The following TRPM2 variants were observed in gnomAD, a reference collection of about 807,000 sequenced individuals.
The protein encoded by TRPM2 is estrogen-responsive element-associated gene 1 protein.
A neutral mutation model predicts 174.0 loss-of-function variants in TRPM2; 161 were observed. The observed-to-expected ratio is 0.93, with a 90% CI of 0.81 to 1.05. TRPM2 has a LOEUF of 1.05. Among genes scored for constraint, TRPM2 ranks in the 50% least tolerant of loss-of-function variants. The pLI, the probability that TRPM2 is intolerant of heterozygous loss-of-function variation, is 0.00. For synonymous variants in TRPM2, 954 were observed against 861.3 expected (o/e 1.11, Z -1.88); for missense variants, 2,057 against 2,038.0 (o/e 1.01, Z -0.18).
At chr21:44,418,247 C>A in intron 21 of TRPM2, 139 bp downstream of exon 21, 1 of 1,384,578 alleles carries the variant, frequency 7.2e-7, no homozygotes, top group Non-Finnish European at 9.7e-7. Context: ...CTTCTGCTGG[C>A]CTTGAGCAAG....
chr21:44,426,750 G>T lies in TRPM2; in HGVS notation c.3872+14G>T. The stretch of plus-strand genomic sequence containing the variant: ...CCCCATGGGAGAGTGAGTATGAGCC[G>T]CTGTCCGTGCTCCCAGCTGGCCCCA... On this transcript the variant is annotated intron_variant, in intron 26 of 31. Transcript: ENST00000397928. 1 of 1,613,216 alleles carries T rather than the reference G, an allele frequency of 6.2e-7. No individual in the cohort carries two copies.
chr21:44,391,296 AC>A lies in TRPM2; in HGVS notation c.1466del (p.Thr489LysfsTer12), dbSNP rs1349136684. The A allele has an allele frequency of 1.2e-6, 2 of 1,613,850 alleles. No homozygotes were observed. The highest frequency in any genetic ancestry group is 4.5e-5 in the East Asian group (2 of 44,880). On this transcript the variant is annotated frameshift_variant, in exon 11 of 32. Coordinates refer to ENST00000397928, the MANE Select transcript of TRPM2 (RefSeq NM_003307.4). LOFTEE classifies it high-confidence loss of function. This position sits in a 1 kb window ranked among gnomAD's most constrained non-coding sequence, Gnocchi z 5.0. ...WKPSDLHPTM[T>X]AALISNKPEF... ...GCCTTCAGATCTGCACCCCACGATG[AC>A]AGCTGCACTCATCTCCAACAAGCCT...
chr21:44,400,284 G>A lies in TRPM2; in HGVS notation c.2234G>A (p.Gly745Asp). The A allele has an allele frequency of 6.2e-7, 1 of 1,612,804 alleles. No individual in the cohort carries two copies. The highest frequency in any genetic ancestry group is 8.5e-7 in the Non-Finnish European group (1 of 1,179,854). ...GCCTTCCTGACCAAGGTGTGGTGGG[G>A]CCAGCTCTCCGTGGACAATGGGCTG... is the stretch of plus-strand genomic sequence containing the variant. The part of the protein sequence containing the change: ...IQAFLTKVWW[G>D]QLSVDNGLWR... Residue 745 changes from glycine (G) to aspartate (D), a missense_variant, in exon 15 of 32, where the codon GGC (glycine) becomes GAC (aspartate). Physicochemically the swap from Gly to Asp is moderately conservative, Grantham distance 94. Transcript: ENST00000397928.
At chr21:44,426,812 A>G in intron 26 of TRPM2, 76 bp downstream of exon 26, 1 of 1,566,676 alleles carries the variant, frequency 6.4e-7, no homozygotes, top group East Asian at 2.2e-5. Flanking sequence ...TGAGAATCCC[A>G]GTCAGAGCCC....
intron 24 of TRPM2, chr21:44,425,433 T>A (rs2050726046): frequency 2.2e-6 from 1 of 458,806 alleles, no homozygotes; most frequent in Non-Finnish European, 3.8e-6. Context: ...GGGCCCTGAC[T>A]GCCGCTGCAC....
chr21:44,357,859 C>T (rs2048103109), intron 2 of TRPM2, among the ~76,000 whole-genome samples: 1 of 152,186 alleles, frequency 6.6e-6, no homozygotes, highest in Non-Finnish European at 1.5e-5. Context: ...CTGTCCCGCA[C>T]AGAAGCCGCT....
Position 44,383,077 on chromosome 21 carries a change from T to G in TRPM2, c.1318+257T>G, listed in dbSNP as rs992379866. Among the ~76,000 whole-genome samples the G allele has an allele frequency of 3.9e-5, 6 of 152,170 alleles. 1 individual carries two copies. Among genetic ancestry groups the G allele is most frequent in the Non-Finnish European group, 7.3e-5 (5 of 68,032 alleles). ...ATTTTTACCTTTGTAGTGGTCATAA[T>G]TTCTCATAAAACTTCAGGGTGGAAA... is the stretch of plus-strand genomic sequence containing the variant. On this transcript the variant is annotated intron_variant, in intron 9 of 31. Coordinates refer to ENST00000397928, the MANE Select transcript of TRPM2 (RefSeq NM_003307.4).
rs2049624347 is a variant in TRPM2 at position 44,401,722 on chromosome 21, C to A, written c.2363C>A (p.Ala788Asp). 2 of 1,613,324 alleles carry A rather than the reference C, an allele frequency of 1.2e-6. No individual in the cohort carries two copies. ...GATGTGGGCACCCCCGCGGCCCGCG[C>A]CCGTGCCTTCTTCACCGCACCCGTG... ...LQDVGTPAAR[A>D]RAFFTAPVVV... Residue 788 changes from alanine to aspartate, a missense_variant, in exon 16 of 32, where the codon GCC becomes GAC. Physicochemically the swap from Ala to Asp is moderately radical, Grantham distance 126. Transcript: ENST00000397928.
At chr21:44,370,371 G>T (rs1227537357) in intron 5 of TRPM2, among the ~76,000 whole-genome samples, 1 of 152,206 alleles carries the variant, frequency 6.6e-6, no homozygotes, top group Non-Finnish European at 1.5e-5. Flanking sequence ...GGTTGAGGAC[G>T]GAGCACTCCT....
intron 20 of TRPM2, chr21:44,416,507 G>A (rs2050285043): frequency 1.3e-5 from 2 of 159,550 alleles, no homozygotes; most frequent in South Asian, 3.4e-4. Flanking sequence ...GGAGGGTCTG[G>A]CTCTTGTGCT....
chr21:44,350,572 G>C (rs1458914228), upstream of TRPM2, among the ~76,000 whole-genome samples: 8 of 142,644 alleles, frequency 5.6e-5, no homozygotes, highest in Non-Finnish European at 1.2e-4. Flanking sequence ...TGCAGGGCAC[G>C]GCGGGGTGCA....
chr21:44,426,737 G>A lies in TRPM2; in HGVS notation c.3872+1G>A. On this transcript the variant is annotated splice_donor_variant, in intron 26 of 31. Coordinates refer to ENST00000397928, the MANE Select transcript of TRPM2 (RefSeq NM_003307.4). LOFTEE classifies it high-confidence loss of function. Reference sequence around the variant, plus strand: ...CGGCCGCCATGGACCCCATGGGAGAGTGAGTATGAGCCGCTGTCCGTGCTC... The same window carrying A: ...CGGCCGCCATGGACCCCATGGGAGAATGAGTATGAGCCGCTGTCCGTGCTC... 3 of 1,613,992 alleles carry A rather than the reference G, an allele frequency of 1.9e-6. No homozygotes were observed. Among genetic ancestry groups the A allele is most frequent in the East Asian group, 2.2e-5 (1 of 44,890 alleles).
At chr21:44,421,875 CCACTG>C (rs1390849731) in intron 22 of TRPM2, among the ~76,000 whole-genome samples, 1 of 152,170 alleles carries the variant, frequency 6.6e-6, no homozygotes, top group Non-Finnish European at 1.5e-5. Context: ...CATGATGGTG[CCACTG>C]CACTGCAGCC....
At chr21:44,403,015 A>G (rs1272478052) in intron 16 of TRPM2, among the ~76,000 whole-genome samples, 1 of 152,160 alleles carries the variant, frequency 6.6e-6, no homozygotes, top group Non-Finnish European at 1.5e-5. Flanking sequence ...AAGGAAGATC[A>G]GGTCCAGGAC....
intron 12 of TRPM2, among the ~76,000 whole-genome samples, chr21:44,397,412 C>A (rs935751525): frequency 1.3e-5 from 2 of 152,178 alleles, no homozygotes; most frequent in African/African-American, 4.8e-5. Flanking sequence ...CCGAGTCTCA[C>A]TGGGCACGCA....
chr21:44,397,868 G>A lies in TRPM2; in HGVS notation c.2054G>A (p.Arg685Lys). ...MLALAEEYEH[R>K]AIGVFTECYR... ...GCGCTGGCGGAGGAGTATGAGCACAGAGCCATCGGTGAGCTCTGCCGGGCA... is the reference window on the plus strand; with the variant it reads ...GCGCTGGCGGAGGAGTATGAGCACAAAGCCATCGGTGAGCTCTGCCGGGCA... Residue 685 changes from arginine to lysine, a missense_variant, in exon 13 of 32, where the codon AGA becomes AAA. Physicochemically the swap from Arg to Lys is conservative, Grantham distance 26 (BLOSUM62 2). Transcript: ENST00000397928. 1 of 1,602,782 alleles carries A rather than the reference G, an allele frequency of 6.2e-7. No homozygotes were observed. The highest frequency in any genetic ancestry group is 1.1e-5 in the South Asian group (1 of 89,002).
intron 19 of TRPM2, among the ~76,000 whole-genome samples, chr21:44,409,269 C>A (rs1261322353): frequency 1.3e-5 from 2 of 152,128 alleles, no homozygotes; most frequent in African/African-American, 4.8e-5. Context: ...TTTTTGTTTG[C>A]CCTGGTGTGC....
chr21:44,387,487 G>T (rs1212748449), intron 9 of TRPM2, among the ~76,000 whole-genome samples: 1 of 152,140 alleles, frequency 6.6e-6, no homozygotes, highest in Non-Finnish European at 1.5e-5. Context: ...AAAGGATTTG[G>T]CAGTGGTTTC....
In TRPM2 at chr21:44,418,403, C is replaced by A; in HGVS notation, c.3329-20C>A. The A allele has an allele frequency of 6.2e-7, 1 of 1,612,738 alleles. No homozygotes were observed. Among genetic ancestry groups the A allele is most frequent in the Non-Finnish European group, 8.5e-7 (1 of 1,179,142 alleles). On this transcript the variant is annotated intron_variant, in intron 21 of 31. Coordinates refer to ENST00000397928, the MANE Select transcript of TRPM2 (RefSeq NM_003307.4). The stretch of plus-strand genomic sequence containing the variant: ...TCCTGAGGATTCCAGGTCCCCTGGT[C>A]TGTCCGCCCACCCTGACAGAGAACA...
Sources: allele counts gnomAD v4.1 joint callset (sites outside exome capture counted in the v4.1 genomes callset), GRCh38; gene constraint gnomAD v4.1.1; non-coding constraint Gnocchi (gnomAD v3.1); transcripts MANE v1.5; gene names NCBI Gene and HGNC (gene_info 2026-07-23, HGNC 2026-07-21).